The following MACROD2 variants were observed in gnomAD, a reference collection of about 807,000 sequenced individuals.
MACROD2 encodes the protein ADP-ribose glycohydrolase MACROD2.
MACROD2 carries 36 observed loss-of-function variants against 70.4 expected under a neutral mutation model. The observed-to-expected ratio is 0.51, with a 90% CI of 0.39 to 0.68. The LOEUF is 0.68. Ranked by LOEUF, MACROD2 falls within the 30% of genes least tolerant of loss-of-function variation. MACROD2 has a pLI of 0.00. For synonymous variants in MACROD2, 172 were observed against 178.8 expected (o/e 0.96, Z 0.30); for missense variants, 496 against 538.4 (o/e 0.92, Z 0.78).
At chr20:14,868,250 C>A (rs1294988057) in intron 5 of MACROD2, among the ~76,000 whole-genome samples, 2 of 150,514 alleles carry the variant, frequency 1.3e-5, no homozygotes, top group African/African-American at 4.9e-5. Flanking sequence ...TACAGTGGTG[C>A]AATCATGGTT....
At chr20:15,286,500 A>T (rs538158800) in intron 6 of MACROD2, among the ~76,000 whole-genome samples, 1 of 116,182 alleles carries the variant, frequency 8.6e-6, no homozygotes, top group East Asian at 2.2e-4. Flanking sequence ...CCCTTGGGGA[A>T]CTTACATTCT....
chr20:14,056,122 T>C (rs2053628420), intron 2 of MACROD2, among the ~76,000 whole-genome samples: 1 of 152,120 alleles, frequency 6.6e-6, no homozygotes, highest in Non-Finnish European at 1.5e-5. Flanking sequence ...TTATTGGTCT[T>C]CTCAGGTTTT....
At chr20:15,411,481 C>T (rs906078075) in intron 6 of MACROD2, among the ~76,000 whole-genome samples, 5 of 152,118 alleles carry the variant, frequency 3.3e-5, no homozygotes, top group Admixed American at 1.3e-4. Context: ...AAGGTTGCAT[C>T]CTGCCAGAGA....
chr20:15,520,285 C>T (rs1156437113), intron 8 of MACROD2, among the ~76,000 whole-genome samples: 2 of 152,112 alleles, frequency 1.3e-5, no homozygotes, highest in African/African-American at 4.8e-5. Context: ...AGGAGAAGAA[C>T]CTGTCTTATA....
At chr20:14,946,881 T>C (rs1046373542) in intron 5 of MACROD2, among the ~76,000 whole-genome samples, 3 of 152,174 alleles carry the variant, frequency 2.0e-5, no homozygotes, top group Admixed American at 1.3e-4. Flanking sequence ...TCTCCCCCAA[T>C]GGCTGATGAA....
intron 5 of MACROD2, among the ~76,000 whole-genome samples, chr20:14,828,999 G>A (rs2072932622): frequency 1.4e-5 from 2 of 148,002 alleles, no homozygotes; most frequent in African/African-American, 5.0e-5. Flanking sequence ...GTAAACGTGT[G>A]CCATGGTAGT....
At chr20:14,011,403 T>C (rs972491860) in intron 2 of MACROD2, among the ~76,000 whole-genome samples, 3 of 152,202 alleles carry the variant, frequency 2.0e-5, no homozygotes, top group African/African-American at 7.2e-5. Flanking sequence ...TCCCTTCCTG[T>C]TTTAAATCCT....
At chr20:14,522,866 T>TG (rs2085185197) in intron 4 of MACROD2, among the ~76,000 whole-genome samples, 1 of 152,206 alleles carries the variant, frequency 6.6e-6, no homozygotes, top group Non-Finnish European at 1.5e-5. Context: ...GATTTCTAAC[T>TG]GTTTTATTCA....
chr20:15,379,734 GT>G (rs2045615013), intron 6 of MACROD2, among the ~76,000 whole-genome samples: 2 of 152,218 alleles, frequency 1.3e-5, no homozygotes, highest in Admixed American at 1.3e-4. Context: ...ATGTAAGAGA[GT>G]CCTAGCTAGT....
At chr20:15,808,950 T>C (rs1206846234) in intron 8 of MACROD2, among the ~76,000 whole-genome samples, 1 of 152,076 alleles carries the variant, frequency 6.6e-6, no homozygotes, top group African/African-American at 2.4e-5. Flanking sequence ...TATGGAAATA[T>C]AAGGACATAT....
At chr20:14,180,766 AT>A (rs2081299094) in intron 3 of MACROD2, among the ~76,000 whole-genome samples, 1 of 152,118 alleles carries the variant, frequency 6.6e-6, no homozygotes, top group Non-Finnish European at 1.5e-5. Flanking sequence ...ACTTTGTTTA[AT>A]TCTTACAATA....
intron 5 of MACROD2, among the ~76,000 whole-genome samples, chr20:15,218,186 A>G (rs913727347): frequency 1.3e-5 from 2 of 152,202 alleles, no homozygotes; most frequent in Non-Finnish European, 2.9e-5. Context: ...AGACCTGACA[A>G]GCACTGCAGT....
intron 6 of MACROD2, among the ~76,000 whole-genome samples, chr20:15,372,888 C>CA (rs1165459116): frequency 6.6e-6 from 1 of 151,906 alleles, no homozygotes; most frequent in Non-Finnish European, 1.5e-5. Context: ...CCCATCTCTA[C>CA]AAAAAATTAA....
At chr20:14,253,448 A>C (rs1414244866) in intron 3 of MACROD2, among the ~76,000 whole-genome samples, 1 of 152,074 alleles carries the variant, frequency 6.6e-6, no homozygotes, top group Non-Finnish European at 1.5e-5. Context: ...TAAGATATGT[A>C]TGTGAAAGAT....
At chr20:15,115,856 T>C (rs2075987972) in intron 5 of MACROD2, among the ~76,000 whole-genome samples, 1 of 152,206 alleles carries the variant, frequency 6.6e-6, no homozygotes, top group Non-Finnish European at 1.5e-5. Flanking sequence ...TTTTCTAGTT[T>C]CTTAGGAGGA....
intron 5 of MACROD2, among the ~76,000 whole-genome samples, chr20:15,072,562 A>G (rs2075626934): frequency 6.6e-6 from 1 of 152,138 alleles, no homozygotes; most frequent in Non-Finnish European, 1.5e-5. Flanking sequence ...TGGAGAAATG[A>G]TTCCTCTAAG....
intron 10 of MACROD2, among the ~76,000 whole-genome samples, chr20:15,903,118 G>C (rs557852719): frequency 6.6e-6 from 1 of 152,294 alleles, no homozygotes; most frequent in South Asian, 2.1e-4. Flanking sequence ...TCTCACGCCT[G>C]TATTCCAAGC....
chr20:14,181,629 T>C (rs2081306314), intron 3 of MACROD2, among the ~76,000 whole-genome samples: 1 of 152,056 alleles, frequency 6.6e-6, no homozygotes, highest in East Asian at 1.9e-4. Context: ...CCCTCAACTT[T>C]GTCACATCCC....
chr20:15,977,790 A>C (rs1003874878), intron 13 of MACROD2, among the ~76,000 whole-genome samples: 2 of 152,228 alleles, frequency 1.3e-5, no homozygotes, highest in African/African-American at 4.8e-5. Context: ...ATATACACTT[A>C]AGGTTTGTAC....
Sources: allele counts gnomAD v4.1 joint callset (sites outside exome capture counted in the v4.1 genomes callset), GRCh38; gene constraint gnomAD v4.1.1; transcripts MANE v1.5; gene names NCBI Gene and HGNC (gene_info 2026-07-23, HGNC 2026-07-21).